PCDHA8: variants seen among roughly 807,000 people sequenced by gnomAD.
PCDHA8 encodes protocadherin alpha 8, also known as protocadherin alpha-8.
PCDHA8 carries 53 observed loss-of-function variants against 61.8 expected under a neutral mutation model. The ratio of observed to expected loss-of-function variants is 0.86; its 90% CI spans 0.69 to 1.08. The LOEUF is 1.08. Ranked by LOEUF, PCDHA8 falls within the 50% of genes least tolerant of loss-of-function variation. The probability of loss-of-function intolerance (pLI) is 0.00; values close to 1 mark genes in which losing one functional copy is unlikely to be tolerated. For synonymous variants in PCDHA8, 618 were observed against 556.6 expected (o/e 1.11, Z -1.55); for missense variants, 1,293 against 1,245.0 (o/e 1.04, Z -0.58).
Position 140,843,693 on chromosome 5 carries a change from T to C in PCDHA8, c.2372T>C (p.Leu791Ser). Reference protein sequence around the residue: ...GSVDVGEEQDLNVDHGLKPRQ... With the variant: ...GSVDVGEEQDSNVDHGLKPRQ... ...GTTGATGTAGGCGAAGAGCAAGATTTAAATGTTGATCATGGCCTCAAAGTA... is the reference window on the plus strand; with the variant it reads ...GTTGATGTAGGCGAAGAGCAAGATTCAAATGTTGATCATGGCCTCAAAGTA... The change falls in exon 1 of 4, where the codon TTA becomes TCA. Residue 791 changes from leucine (L) to serine (S), a missense_variant. Physicochemically the swap from Leu to Ser is moderately radical, Grantham distance 145. Transcript: ENST00000531613. 1 of 1,585,660 alleles carries C rather than the reference T, an allele frequency of 6.3e-7. No individual in the cohort carries two copies. Among genetic ancestry groups the C allele is most frequent in the Non-Finnish European group, 8.6e-7 (1 of 1,156,138 alleles).
chr5:140,980,933 C>G (rs1376814777), intron 2 of PCDHA8, among the ~76,000 whole-genome samples: 1 of 152,120 alleles, frequency 6.6e-6, no homozygotes, highest in African/African-American at 2.4e-5. Flanking sequence ...CTGCTTTGAG[C>G]TGAGCTGGCT....
intron 1 of PCDHA8, among the ~76,000 whole-genome samples, chr5:140,944,993 G>A (rs529303280): frequency 6.6e-5 from 10 of 152,054 alleles, no homozygotes; most frequent in African/African-American, 2.2e-4. Context: ...CTTCTGTAAC[G>A]GTTGTGGGTC....
chr5:140,971,642 A>G (rs1586490477), intron 1 of PCDHA8, among the ~76,000 whole-genome samples: 1 of 152,330 alleles, frequency 6.6e-6, no homozygotes, highest in East Asian at 1.9e-4. Flanking sequence ...ATGTGCCTAC[A>G]TTAAAAGTAG....
At chr5:140,896,583 G>A (rs557774521) in intron 1 of PCDHA8, among the ~76,000 whole-genome samples, 1 of 151,770 alleles carries the variant, frequency 6.6e-6, no homozygotes, top group South Asian at 2.1e-4. Context: ...TGACGTGTTG[G>A]CCAGGCTGGT....
Position 140,883,090 on chromosome 5 carries a change from T to C in PCDHA8, c.2394+39375T>C, listed in dbSNP as rs550322124. On this transcript the variant is annotated intron_variant, in intron 1 of 3. Transcript: ENST00000531613. ...CCACAGATCCTGATGATGGTACAAA[T>C]GGAGATATAGTTTACTCATTTAGAA... The C allele has an allele frequency of 1.4e-4, 226 of 1,614,138 alleles. 1 individual carries two copies. In the South Asian group the frequency reaches 2.4e-3, roughly 17 times the overall value.
In PCDHA8 at chr5:140,857,667, G is replaced by A. The variant is rs375722457; in HGVS notation, c.2394+13952G>A. 3.4e-5 allele frequency: 54 copies of A among 1,596,806 alleles called. 7 individuals are homozygous for A. The highest frequency in any genetic ancestry group is 4.5e-5 in the Non-Finnish European group (52 of 1,167,800). ...TTCCAGGTGAGCGCGCGCGATGGGGGCGTGCCGCCTCTGGGCAGCAACTTG... is the reference window on the plus strand; with the variant it reads ...TTCCAGGTGAGCGCGCGCGATGGGGACGTGCCGCCTCTGGGCAGCAACTTG... On this transcript the variant is annotated intron_variant, in intron 1 of 3. Coordinates refer to ENST00000531613, the MANE Select transcript of PCDHA8 (RefSeq NM_018911.3).
At chr5:140,934,926 G>C (rs1054459840) in intron 1 of PCDHA8, among the ~76,000 whole-genome samples, 1 of 152,116 alleles carries the variant, frequency 6.6e-6, no homozygotes, top group African/African-American at 2.4e-5. Flanking sequence ...TTCACATAAA[G>C]TTACAAAACT....
intron 1 of PCDHA8, among the ~76,000 whole-genome samples, chr5:140,953,052 C>T (rs2094839858): frequency 6.6e-6 from 1 of 152,206 alleles, no homozygotes; most frequent in Non-Finnish European, 1.5e-5. Flanking sequence ...ATCCAATCAC[C>T]TCTCACAGGC....
intron 1 of PCDHA8, among the ~76,000 whole-genome samples, chr5:140,951,752 G>A (rs246039): frequency 0.51 from 77,303 of 151,800 alleles, 20,616 homozygotes; most frequent in African/African-American, 0.68. Context: ...CTCACCCTCC[G>A]CGAAATCTCA....
chr5:140,882,133 G>A, intron 1 of PCDHA8: 1 of 1,483,612 alleles, frequency 6.7e-7, no homozygotes, highest in Non-Finnish European at 9.0e-7. Flanking sequence ...TCTTCCTGCA[G>A]AAAATATAGC....
intron 1 of PCDHA8, among the ~76,000 whole-genome samples, chr5:140,937,959 T>C (rs1344033743): frequency 5.3e-5 from 8 of 152,142 alleles, no homozygotes; most frequent in African/African-American, 1.9e-4. Context: ...TTGTTGAAAG[T>C]ATATAGAAAT....
chr5:140,863,266 G>T, intron 1 of PCDHA8: 2 of 1,458,576 alleles, frequency 1.4e-6, no homozygotes, highest in Non-Finnish European at 1.9e-6. Context: ...CCGGGAGGCA[G>T]CGCTGGTGGA....
chr5:140,988,516 G>A (rs1226381986), intron 3 of PCDHA8, among the ~76,000 whole-genome samples: 1 of 152,156 alleles, frequency 6.6e-6, no homozygotes, highest in African/African-American at 2.4e-5. Flanking sequence ...GCTTACTTAA[G>A]TCTCTGCTGG....
rs183711966 is a variant in PCDHA8 at position 140,861,816 on chromosome 5, C to G, written c.2394+18101C>G. 643 of 159,770 alleles carry G rather than the reference C, an allele frequency of 4.0e-3. 2 individuals carry two copies. The highest frequency in any genetic ancestry group is 5.6e-3 in the Non-Finnish European group (413 of 73,346). 9.9% of individuals were successfully genotyped at this position (159,770 alleles called of 1,614,324 possible). A position where few individuals can be genotyped will look rare whatever the true frequency, so the allele number is the denominator to read the frequency against. On this transcript the variant is annotated intron_variant, in intron 1 of 3. Coordinates refer to ENST00000531613, the MANE Select transcript of PCDHA8 (RefSeq NM_018911.3). ...TGAAGGTGTATTTTAAAAATTCTTT[C>G]AGATAGGTAAGTCACTTCAGAGCTA...
chr5:140,938,166 G>A (rs2091953104), intron 1 of PCDHA8, among the ~76,000 whole-genome samples: 2 of 151,980 alleles, frequency 1.3e-5, no homozygotes, highest in South Asian at 4.1e-4. Flanking sequence ...GGCTAGTCTG[G>A]AGCTCCTGGG....
rs781965106 is a variant in PCDHA8 at position 140,882,419 on chromosome 5, G to A, written c.2394+38704G>A. 8.7e-6 allele frequency: 14 copies of A among 1,613,992 alleles called. No homozygotes were observed. The African/African-American group carries it at 1.5e-4, about 17-fold the overall frequency. ...CACCTTCGTGGGCCGCATCGCTCAG[G>A]ACCTGGGGCTGGAGCTGGCGGAGCT... On this transcript the variant is annotated intron_variant, in intron 1 of 3. Transcript: ENST00000531613.
chr5:140,994,747 G>A (rs2097648455), intron 3 of PCDHA8, among the ~76,000 whole-genome samples: 1 of 152,152 alleles, frequency 6.6e-6, no homozygotes, highest in Non-Finnish European at 1.5e-5. Context: ...ATGGCAAGTA[G>A]GATGTGGAGA....
In PCDHA8 at chr5:140,876,868, G is replaced by C. The variant is rs563777938; in HGVS notation, c.2394+33153G>C. On this transcript the variant is annotated intron_variant, in intron 1 of 3. Coordinates refer to ENST00000531613, the MANE Select transcript of PCDHA8 (RefSeq NM_018911.3). ...GCCCGAGTACACAGTGTTCGTGAAG[G>C]AGAACAACCCGCCGGGCTGCCACAT... is the stretch of plus-strand genomic sequence containing the variant. 6 of 1,614,160 alleles carry C rather than the reference G, an allele frequency of 3.7e-6. No homozygotes were observed. In the East Asian group the frequency reaches 1.3e-4, roughly 36 times the overall value.
chr5:140,845,775 A>G (rs1469360011), intron 1 of PCDHA8, among the ~76,000 whole-genome samples: 1 of 149,718 alleles, frequency 6.7e-6, no homozygotes, highest in Non-Finnish European at 1.5e-5. Context: ...ATAGTTATAA[A>G]TTATTAATAA....
Sources: allele counts gnomAD v4.1 joint callset (sites outside exome capture counted in the v4.1 genomes callset), GRCh38; gene constraint gnomAD v4.1.1; transcripts MANE v1.5; gene names NCBI Gene and HGNC (gene_info 2026-07-23, HGNC 2026-07-21).